Variants in XPR1 observed in about 807,000 individuals in gnomAD.
XPR1 encodes the protein solute carrier family 53 member 1.
A neutral mutation model predicts 87.5 loss-of-function variants in XPR1; 28 were observed. That is an observed-to-expected ratio of 0.32 (90% confidence interval 0.24 to 0.44). The LOEUF (loss-of-function observed/expected upper bound fraction) is 0.44, where lower values mean the gene tolerates loss of function less well. Among genes scored for constraint, XPR1 ranks in the 20% least tolerant of loss-of-function variants. XPR1 has a pLI of 1.00. For synonymous variants in XPR1, 300 were observed against 306.1 expected, an observed-to-expected ratio of 0.98 and a Z score of 0.21; for missense variants, 559 against 862.3, an observed-to-expected ratio of 0.65 and a Z score of 4.41.
intron 13 of XPR1, among the ~76,000 whole-genome samples, chr1:180,875,304 G>T (rs868407717): frequency 6.6e-6 from 1 of 152,156 alleles, no homozygotes; most frequent in Middle Eastern, 3.4e-3. Flanking sequence ...GAACTCAGGG[G>T]TTTGACACTG....
At chr1:180,658,905 A>T (rs1380480020) in intron 1 of XPR1, among the ~76,000 whole-genome samples, 1 of 152,080 alleles carries the variant, frequency 6.6e-6, no homozygotes, top group African/African-American at 2.4e-5. Context: ...TGTTGATATG[A>T]TGTATCACAT....
At chr1:180,695,913 G>T (rs1386618156) in intron 2 of XPR1, among the ~76,000 whole-genome samples, 4 of 151,902 alleles carry the variant, frequency 2.6e-5, no homozygotes, top group Non-Finnish European at 4.4e-5. Flanking sequence ...TGGTTATTCG[G>T]AGTCTTTTGT....
chr1:180,726,139 G>A (rs1658330830), intron 2 of XPR1, among the ~76,000 whole-genome samples: 1 of 152,004 alleles, frequency 6.6e-6, no homozygotes, highest in Non-Finnish European at 1.5e-5. Flanking sequence ...GCACGAATCA[G>A]CCCTCTGTAA....
intron 2 of XPR1, among the ~76,000 whole-genome samples, chr1:180,687,179 A>G (rs149895411): frequency 4.4e-4 from 67 of 152,246 alleles, no homozygotes; most frequent in African/African-American, 1.4e-3. Flanking sequence ...TTATTTTACT[A>G]TTCTGTTTGT....
intron 11 of XPR1, among the ~76,000 whole-genome samples, chr1:180,851,189 C>T (rs1651859505): frequency 6.6e-6 from 1 of 152,040 alleles, no homozygotes; most frequent in Non-Finnish European, 1.5e-5. Flanking sequence ...TTCTATTTAA[C>T]TCATGAATTA....
At chr1:180,783,378 A>C (rs1649015073) in intron 2 of XPR1, among the ~76,000 whole-genome samples, 2 of 152,078 alleles carry the variant, frequency 1.3e-5, no homozygotes, top group South Asian at 4.1e-4. Flanking sequence ...AATATCCTTT[A>C]TTTATACAGT....
At chr1:180,793,246 AGTTATTCCT>A (rs1056084229) in intron 3 of XPR1, among the ~76,000 whole-genome samples, 1 of 152,114 alleles carries the variant, frequency 6.6e-6, no homozygotes, top group African/African-American at 2.4e-5. Context: ...CTTATTATAT[AGTTATTCCT>A]GTTATTCCTG....
chr1:180,712,334 T>C (rs953314417), intron 2 of XPR1, among the ~76,000 whole-genome samples: 2 of 152,178 alleles, frequency 1.3e-5, no homozygotes, highest in African/African-American at 4.8e-5. Flanking sequence ...ATGATTCTCA[T>C]CCCAGGCAAA....
chr1:180,699,222 T>TC (rs1274330306), intron 2 of XPR1, among the ~76,000 whole-genome samples: 2 of 148,494 alleles, frequency 1.3e-5, no homozygotes, highest in Non-Finnish European at 3.0e-5. Context: ...TTTTTTTTTT[T>TC]TTTTATTATA....
At chr1:180,877,116 A>G (rs1240387811) in intron 13 of XPR1, among the ~76,000 whole-genome samples, 1 of 152,234 alleles carries the variant, frequency 6.6e-6, no homozygotes, top group Non-Finnish European at 1.5e-5. Flanking sequence ...ATCAGAATAT[A>G]TCAGATATAT....
intron 11 of XPR1, among the ~76,000 whole-genome samples, chr1:180,839,392 T>C (rs940090186): frequency 1.1e-4 from 16 of 152,224 alleles, no homozygotes; most frequent in African/African-American, 3.9e-4. Context: ...TAATGCAACA[T>C]ATGCAAATAA....
intron 6 of XPR1, 56 bp downstream of exon 6, chr1:180,806,613 G>T (rs1650002005): frequency 1.4e-6 from 2 of 1,470,426 alleles, no homozygotes; most frequent in South Asian, 2.6e-5. Context: ...AATCAACACA[G>T]TATTTAGCTG....
intron 11 of XPR1, among the ~76,000 whole-genome samples, chr1:180,840,289 C>T (rs1010944020): frequency 1.3e-5 from 2 of 150,112 alleles, no homozygotes; most frequent in East Asian, 1.9e-4. Flanking sequence ...GGAGTGACAG[C>T]GTCACCTTTA....
At chr1:180,881,380 G>A (rs571860499) in intron 14 of XPR1, among the ~76,000 whole-genome samples, 3 of 152,252 alleles carry the variant, frequency 2.0e-5, no homozygotes, top group African/African-American at 7.2e-5. Context: ...AGCCAGGATG[G>A]TCTCGATCTC....
chr1:180,815,518 C>A (rs1044723636), intron 7 of XPR1, among the ~76,000 whole-genome samples: 1 of 151,982 alleles, frequency 6.6e-6, no homozygotes, highest in Non-Finnish European at 1.5e-5. Flanking sequence ...AAGCACGATT[C>A]TTTTTTTCAA....
intron 1 of XPR1, 37 bp downstream of exon 1, chr1:180,632,307 G>A: frequency 1.3e-6 from 2 of 1,596,122 alleles, no homozygotes; most frequent in Non-Finnish European, 1.7e-6. Context: ...GACTCGGAGG[G>A]GCCACCATCT....
intron 2 of XPR1, among the ~76,000 whole-genome samples, chr1:180,739,360 GTCTT>G (rs2102020620): frequency 6.6e-6 from 1 of 152,028 alleles, no homozygotes; most frequent in African/African-American, 2.4e-5. Flanking sequence ...TCATTCTTTT[GTCTT>G]TCTATTGGCT....
At chr1:180,661,789 C>T (rs565890727) in intron 1 of XPR1, among the ~76,000 whole-genome samples, 5 of 152,134 alleles carry the variant, frequency 3.3e-5, no homozygotes, top group East Asian at 1.9e-4. Context: ...GCAGGAGAAT[C>T]GCTTGAACCC....
intron 7 of XPR1, among the ~76,000 whole-genome samples, chr1:180,815,742 T>G (rs2944259): frequency 0.19 from 28,420 of 152,096 alleles, 3,096 homozygotes; most frequent in Middle Eastern, 0.31. Context: ...ATACCATATT[T>G]CACTTACTGG....
Sources: allele counts gnomAD v4.1 joint callset (sites outside exome capture counted in the v4.1 genomes callset), GRCh38; gene constraint gnomAD v4.1.1; transcripts MANE v1.5; gene names NCBI Gene and HGNC (gene_info 2026-07-23, HGNC 2026-07-21).